The following CDH18 variants were observed in gnomAD, a reference collection of about 807,000 sequenced individuals.
The protein encoded by CDH18 is cadherin 18.
CDH18 carries 31 observed loss-of-function variants against 67.9 expected under a neutral mutation model. The observed-to-expected ratio is 0.46, with a 90% confidence interval of 0.34 to 0.62. The LOEUF is 0.62. Ranked by LOEUF, CDH18 falls within the 20% of genes least tolerant of loss-of-function variation. The pLI, the probability that CDH18 is intolerant of heterozygous loss-of-function variation, is 0.01. For missense variants in CDH18, 890 were observed against 975.5 expected, an observed-to-expected ratio of 0.91 and a Z score of 1.17; for synonymous variants, 362 against 347.2, an observed-to-expected ratio of 1.04 and a Z score of -0.48.
At chr5:19,819,526 C>G (rs914993622) in intron 3 of CDH18, among the ~76,000 whole-genome samples, 1 of 152,076 alleles carries the variant, frequency 6.6e-6, no homozygotes, top group Non-Finnish European at 1.5e-5. Flanking sequence ...AAGAATGGCT[C>G]CCAGTTCTGA....
chr5:19,671,636 G>A (rs74956303), intron 5 of CDH18, among the ~76,000 whole-genome samples: 1 of 151,930 alleles, frequency 6.6e-6, no homozygotes. Context: ...TTTTAAAACC[G>A]AATCAATTTA....
intron 6 of CDH18, among the ~76,000 whole-genome samples, chr5:19,601,094 A>T (rs1231643998): frequency 6.6e-6 from 1 of 152,206 alleles, no homozygotes; most frequent in Non-Finnish European, 1.5e-5. Context: ...TCAAGCATTA[A>T]GCATCTGTGG....
At chr5:19,926,546 A>G (rs183544648) in intron 2 of CDH18, among the ~76,000 whole-genome samples, 173 of 152,306 alleles carry the variant, frequency 1.1e-3, no homozygotes, top group African/African-American at 3.9e-3. Context: ...TATAAGGCTA[A>G]CATTTTGATT....
intron 7 of CDH18, among the ~76,000 whole-genome samples, chr5:19,577,739 A>T (rs1170617602): frequency 6.6e-6 from 1 of 152,218 alleles, no homozygotes; most frequent in African/African-American, 2.4e-5. Context: ...ACTACTGTAC[A>T]CATGGGAAGG....
Position 19,483,435 on chromosome 5 carries a change from G to GTGC in CDH18, c.1745_1747dup (p.Ser582dup). 2.5e-6 allele frequency: 4 copies of GTGC among 1,614,080 alleles called. No individual in the cohort carries two copies. Among genetic ancestry groups the GTGC allele is most frequent in the Non-Finnish European group, 3.4e-6 (4 of 1,179,978 alleles). On this transcript the variant is annotated inframe_insertion, in exon 12 of 13. Coordinates refer to ENST00000382275, the MANE Select transcript of CDH18 (RefSeq NM_004934.5). ...GCATGCACAAACCCTGATGGTGAGGGTGCTGCTGCTGCTGAGAGAGGGGAT... is the reference window on the plus strand; with the variant it reads ...GCATGCACAAACCCTGATGGTGAGGGTGCTGCTGCTGCTGCTGAGAGAGGGGAT...
In CDH18 at chr5:20,501,795, T is replaced by G. The variant is rs890980458; in HGVS notation, c.-580+73667A>C. 6.5e-4 allele frequency among the ~76,000 whole-genome samples: 94 copies of G among 144,726 alleles called. 1 individual carries two copies. Among genetic ancestry groups the G allele is most frequent in the African/African-American group, 2.4e-3 (94 of 39,008 alleles). 94.9% of individuals were successfully genotyped at this position (144,726 alleles called of 152,430 possible). A position where few individuals can be genotyped will look rare whatever the true frequency, so the allele number is the denominator to read the frequency against. ...TTGAATAAGTATAGCCCAAGTGTAC[T>G]TGTGCCTATTTACAAAATATTAAAG... On this transcript the variant is annotated intron_variant, in intron 1 of 14. Transcript: ENST00000507958.
chr5:19,523,994 AG>A (rs2126927597), intron 9 of CDH18, among the ~76,000 whole-genome samples: 1 of 152,236 alleles, frequency 6.6e-6, no homozygotes, highest in East Asian at 1.9e-4. Flanking sequence ...ACTGCATTCA[AG>A]TATTGTAAAA....
chr5:19,969,148 C>T (rs1797774921), intron 2 of CDH18, among the ~76,000 whole-genome samples: 1 of 148,160 alleles, frequency 6.7e-6, no homozygotes, highest in African/African-American at 2.7e-5. Flanking sequence ...AATGAGATAC[C>T]ATCTCACACC....
intron 1 of CDH18, among the ~76,000 whole-genome samples, chr5:20,408,229 A>C (rs1032984484): frequency 6.6e-6 from 1 of 152,096 alleles, no homozygotes; most frequent in African/African-American, 2.4e-5. Flanking sequence ...GATCATCACC[A>C]CTAGACTTAC....
intron 3 of CDH18, among the ~76,000 whole-genome samples, chr5:19,789,120 T>C (rs1776107618): frequency 6.6e-6 from 1 of 152,182 alleles, no homozygotes; most frequent in African/African-American, 2.4e-5. Context: ...TGATTGTTCT[T>C]TCCCCACTAA....
intron 2 of CDH18, among the ~76,000 whole-genome samples, chr5:19,900,294 C>A (rs1039825596): frequency 6.6e-6 from 1 of 152,006 alleles, no homozygotes; most frequent in Non-Finnish European, 1.5e-5. Flanking sequence ...TACAAAATTA[C>A]AGTCAGAAAT....
intron 1 of CDH18, among the ~76,000 whole-genome samples, chr5:20,394,308 A>T (rs1745107743): frequency 6.6e-6 from 1 of 152,102 alleles, no homozygotes; most frequent in South Asian, 2.1e-4. Context: ...ATATACTGGG[A>T]AAAGGACACA....
At chr5:19,666,565 T>C (rs1293883855) in intron 5 of CDH18, among the ~76,000 whole-genome samples, 3 of 152,040 alleles carry the variant, frequency 2.0e-5, no homozygotes, top group Non-Finnish European at 2.9e-5. Context: ...ATTATGGCCA[T>C]TGAATCTGGA....
intron 2 of CDH18, among the ~76,000 whole-genome samples, chr5:20,229,653 T>C (rs1741909222): frequency 6.6e-6 from 1 of 152,182 alleles, no homozygotes. Context: ...ATACATCTTA[T>C]TAGATTTACT....
intron 2 of CDH18, among the ~76,000 whole-genome samples, chr5:20,041,501 GA>G (rs1740417550): frequency 6.6e-6 from 1 of 152,108 alleles, no homozygotes; most frequent in African/African-American, 2.4e-5. Flanking sequence ...TTTTTGAAAT[GA>G]TTAAACATTT....
intron 1 of CDH18, among the ~76,000 whole-genome samples, chr5:20,551,305 G>T (rs1757619448): frequency 6.6e-6 from 1 of 152,020 alleles, no homozygotes; most frequent in Non-Finnish European, 1.5e-5. Context: ...GGTGATCTTT[G>T]GTGTTTAATC....
intron 1 of CDH18, among the ~76,000 whole-genome samples, chr5:20,257,522 C>T (rs766802815): frequency 1.3e-5 from 2 of 152,032 alleles, no homozygotes; most frequent in Non-Finnish European, 2.9e-5. Flanking sequence ...CTGTGCAGTT[C>T]ATAGAGCCCA....
At chr5:20,249,998 T>A (rs1367672392) in intron 2 of CDH18, among the ~76,000 whole-genome samples, 1 of 151,974 alleles carries the variant, frequency 6.6e-6, no homozygotes, top group Non-Finnish European at 1.5e-5. Context: ...TAGAAAAAAA[T>A]TTCCTTTTTC....
chr5:19,752,160 G>A (rs1187364324), intron 3 of CDH18, among the ~76,000 whole-genome samples: 2 of 152,156 alleles, frequency 1.3e-5, no homozygotes, highest in African/African-American at 4.8e-5. Flanking sequence ...AGGGGTAGAG[G>A]AAGCAGTGTC....
Sources: allele counts gnomAD v4.1 joint callset (sites outside exome capture counted in the v4.1 genomes callset), GRCh38; gene constraint gnomAD v4.1.1; transcripts MANE v1.5; gene names NCBI Gene and HGNC (gene_info 2026-07-23, HGNC 2026-07-21).